The following SLC33A1 variants were observed in gnomAD, a reference collection of about 807,000 sequenced individuals.
SLC33A1 encodes the protein solute carrier family 33 member 1, also known as acetyl-coenzyme A transporter 1.
Under a neutral mutation model 50.0 loss-of-function variants are expected in SLC33A1, and 20 were observed. That is an observed-to-expected ratio of 0.40 (90% CI 0.28 to 0.58). SLC33A1 has a LOEUF of 0.58. Among genes scored for constraint, SLC33A1 ranks in the 20% least tolerant of loss-of-function variants. The pLI, the probability that SLC33A1 is intolerant of heterozygous loss-of-function variation, is 0.44. For missense variants in SLC33A1, 476 were observed against 657.0 expected (o/e 0.72, Z 3.01); for synonymous variants, 265 against 251.8 (o/e 1.05, Z -0.50).
Position 155,828,101 on chromosome 3 carries a change from A to C in SLC33A1, c.*109T>G. 1 of 770,266 alleles carries C rather than the reference A, an allele frequency of 1.3e-6. No homozygotes were observed. 47.7% of individuals were successfully genotyped at this position (770,266 alleles called of 1,614,324 possible). A position where few individuals can be genotyped will look rare whatever the true frequency, so the allele number is the denominator to read the frequency against. On this transcript the variant is annotated 3_prime_UTR_variant, in exon 6 of 6. Transcript: ENST00000643144. ...AACCATTTGGCATTTTATATTATTAATTTCGCTGTTTAAAATAATATTTTA... is the reference window on the plus strand; with the variant it reads ...AACCATTTGGCATTTTATATTATTACTTTCGCTGTTTAAAATAATATTTTA...
At chr3:155,846,454 CTTTTT>C (rs34163073) in intron 1 of SLC33A1, among the ~76,000 whole-genome samples, 1 of 138,442 alleles carries the variant, frequency 7.2e-6, no homozygotes, top group Non-Finnish European at 1.6e-5. Context: ...CCCACACTTC[CTTTTT>C]TTTTTTTTTT....
At chr3:155,833,197 C>T (rs1211958668) in intron 4 of SLC33A1, among the ~76,000 whole-genome samples, 1 of 151,730 alleles carries the variant, frequency 6.6e-6, no homozygotes, top group Non-Finnish European at 1.5e-5. Flanking sequence ...TGCAGTGAGC[C>T]GAGACTGCAC....
Position 155,829,825 on chromosome 3 carries a change from T to C in SLC33A1, c.1345A>G (p.Met449Val). The C allele has an allele frequency of 6.2e-7, 1 of 1,613,956 alleles. No individual in the cohort carries two copies. The highest frequency in any genetic ancestry group is 8.5e-7 in the Non-Finnish European group (1 of 1,179,822). The change falls in exon 5 of 6, where the codon ATG (methionine) becomes GTG (valine). Residue 449 changes from methionine (M) to valine (V), a missense_variant. By Grantham distance (21) the Met-to-Val change is conservative. Coordinates refer to ENST00000643144, the MANE Select transcript of SLC33A1 (RefSeq NM_004733.4). ...TTGGACACGGTATTTAAAAGGGTCA[T>C]GTATGTTCCTCCAATAAGTGGATCA... is the stretch of plus-strand genomic sequence containing the variant. The part of the protein sequence containing the change: ...VSDPLIGGTY[M>V]TLLNTVSNLG...
rs1240111424 is a variant in SLC33A1, at chr3:155,822,042, G to A, written c.*6168C>T. ...CCTGCCTAAGCCTCCCAAACTAATGGGACTACAGGTGTAAGCCAACACACC... is the reference window on the plus strand; with the variant it reads ...CCTGCCTAAGCCTCCCAAACTAATGAGACTACAGGTGTAAGCCAACACACC... On this transcript the variant is annotated 3_prime_UTR_variant, in exon 6 of 6. Coordinates refer to ENST00000643144, the MANE Select transcript of SLC33A1 (RefSeq NM_004733.4). 1.3e-5 allele frequency: 2 copies of A among 151,832 alleles called. No homozygotes were observed. The highest frequency in any genetic ancestry group is 4.8e-5 in the African/African-American group (2 of 41,330). The allele number at this position is 151,832 out of a possible 1,614,324, so 9.4% of individuals were successfully genotyped here.
intron 4 of SLC33A1, among the ~76,000 whole-genome samples, chr3:155,830,179 C>T (rs1327602966): frequency 6.1e-5 from 9 of 148,480 alleles, no homozygotes; most frequent in East Asian, 3.9e-4. Context: ...CTGGCTAACA[C>T]GGTGAAACCC....
chr3:155,831,763 C>G (rs553879588), intron 4 of SLC33A1, among the ~76,000 whole-genome samples: 35 of 151,682 alleles, frequency 2.3e-4, no homozygotes, highest in Non-Finnish European at 3.8e-4. Flanking sequence ...TAAGCATGTG[C>G]AAAACAGAAA....
At chr3:155,840,901 C>A (rs1457019942) in intron 2 of SLC33A1, among the ~76,000 whole-genome samples, 4 of 152,114 alleles carry the variant, frequency 2.6e-5, no homozygotes, top group African/African-American at 9.7e-5. Context: ...AGGAGAATCG[C>A]TTGAACCCAG....
In SLC33A1 at chr3:155,824,571, A is replaced by G. The variant is rs762364367; in HGVS notation, c.*3639T>C. On this transcript the variant is annotated 3_prime_UTR_variant, in exon 6 of 6. Coordinates refer to ENST00000643144, the MANE Select transcript of SLC33A1 (RefSeq NM_004733.4). ...AGTTTCAAGTTCAATACAGTATAACATATGCAGAGATTTTATAGTTTTTAT... is the reference window on the plus strand; with the variant it reads ...AGTTTCAAGTTCAATACAGTATAACGTATGCAGAGATTTTATAGTTTTTAT... 9 of 152,074 alleles carry G rather than the reference A, an allele frequency of 5.9e-5. No homozygotes were observed. Among genetic ancestry groups the G allele is most frequent in the Non-Finnish European group, 1.2e-4 (8 of 68,012 alleles). 9.4% of individuals were successfully genotyped at this position (152,074 alleles called of 1,614,324 possible).
rs1321372968 is a variant in SLC33A1, at chr3:155,842,362, A to G, written c.963+70T>C. The G allele has an allele frequency of 3.3e-6, 3 of 903,432 alleles. No homozygotes were observed. The South Asian group carries it at 4.4e-5, about 13-fold the overall frequency. The allele number at this position is 903,432 out of a possible 1,614,324, so 56.0% of individuals were successfully genotyped here. On this transcript the variant is annotated intron_variant, in intron 2 of 5. Transcript: ENST00000643144. Reference sequence around the variant, plus strand: ...TGGAAAGGGACCTGTGATATGAAAAAGGCATTGTAAGTATTCCATGATATT... The same window carrying G: ...TGGAAAGGGACCTGTGATATGAAAAGGGCATTGTAAGTATTCCATGATATT...
Position 155,829,136 on chromosome 3 carries a change from A to C in SLC33A1, c.1482+552T>G, listed in dbSNP as rs145656398. ...AGGCTGGTGTCAAACTCCTGAGCTC[A>C]GGCAATCCACCCGCCTTAGCCTCCC... On this transcript the variant is annotated intron_variant, in intron 5 of 5. Transcript: ENST00000643144. 4.6e-3 allele frequency among the ~76,000 whole-genome samples: 706 copies of C among 152,166 alleles called. 12 individuals are homozygous for C. The highest frequency in any genetic ancestry group is 0.016 in the African/African-American group (664 of 41,520).
intron 1 of SLC33A1, among the ~76,000 whole-genome samples, chr3:155,849,679 GAGC>G (rs1328450444): frequency 2.6e-5 from 4 of 151,656 alleles, no homozygotes; most frequent in Admixed American, 2.6e-4. Context: ...AAGCCGAGGT[GAGC>G]AGATCACTTG....
At chr3:155,852,947 T>C (rs1034202971) in intron 1 of SLC33A1, among the ~76,000 whole-genome samples, 5 of 152,162 alleles carry the variant, frequency 3.3e-5, no homozygotes, top group African/African-American at 1.2e-4. Context: ...AAGTGTGCAT[T>C]TGTGTATTAA....
At chr3:155,850,408 C>G (rs940062788) in intron 1 of SLC33A1, among the ~76,000 whole-genome samples, 2 of 152,066 alleles carry the variant, frequency 1.3e-5, no homozygotes, top group African/African-American at 4.8e-5. Context: ...GATGAGAAAG[C>G]CTCAGTGAAA....
intron 1 of SLC33A1, among the ~76,000 whole-genome samples, chr3:155,848,003 C>T (rs1293813127): frequency 6.6e-6 from 1 of 152,160 alleles, no homozygotes; most frequent in Non-Finnish European, 1.5e-5. Context: ...TACACTGCTC[C>T]CTATTCCAAT....
chr3:155,829,470 T>C (rs934679695), intron 5 of SLC33A1, among the ~76,000 whole-genome samples: 1 of 152,154 alleles, frequency 6.6e-6, no homozygotes, highest in Non-Finnish European at 1.5e-5. Context: ...AGATCGCCTC[T>C]CCTTTACTGA....
chr3:155,832,555 T>C (rs1290095336), intron 4 of SLC33A1, among the ~76,000 whole-genome samples: 1 of 150,510 alleles, frequency 6.6e-6, no homozygotes, highest in Non-Finnish European at 1.5e-5. Flanking sequence ...GGGCCGGGTA[T>C]GGTGGCTCAT....
rs757490105 is a variant in SLC33A1 at position 155,828,258 on chromosome 3, C to T, written c.1602G>A (p.Lys534=). ...ACGAAGATGATCCTTCATCCTGTAACTTTTTAAATTTTGGACCAAGAAAGA... is the reference window on the plus strand; with the variant it reads ...ACGAAGATGATCCTTCATCCTGTAATTTTTTAAATTTTGGACCAAGAAAGA... ...WWFFLGPKFK[K]LQDEGSSSWK... is the part of the protein sequence containing the mutation. Residue 534 remains lysine (K), a synonymous_variant, in exon 6 of 6, where the codon AAG becomes AAA. Transcript: ENST00000643144. 49 of 1,612,994 alleles carry T rather than the reference C, an allele frequency of 3.0e-5. No individual in the cohort carries two copies. Among genetic ancestry groups the T allele is most frequent in the East Asian group, 1.8e-4 (8 of 44,838 alleles).
Position 155,839,300 on chromosome 3 carries a change from C to CAAA in SLC33A1, c.963+3129_963+3131dup, listed in dbSNP as rs550171374. On this transcript the variant is annotated intron_variant, in intron 2 of 5. Coordinates refer to ENST00000643144, the MANE Select transcript of SLC33A1 (RefSeq NM_004733.4). Reference sequence around the variant, plus strand: ...CTGGGAAACAAGTGAAACTCCGCCTCAAAAAAAAAAAAAAAAAAAAAAAAA... The same window carrying CAAA: ...CTGGGAAACAAGTGAAACTCCGCCTCAAAAAAAAAAAAAAAAAAAAAAAAAAAA... Among the ~76,000 whole-genome samples, 152 of 25,716 alleles carry CAAA rather than the reference C, an allele frequency of 5.9e-3. 6 individuals are homozygous for CAAA. The highest frequency in any genetic ancestry group is 0.015 in the Non-Finnish European group (91 of 6,080). 16.9% of individuals were successfully genotyped at this position (25,716 alleles called of 152,430 possible). A position where few individuals can be genotyped will look rare whatever the true frequency, so the allele number is the denominator to read the frequency against.
intron 2 of SLC33A1, among the ~76,000 whole-genome samples, chr3:155,837,471 A>C (rs1025435509): frequency 2.0e-5 from 3 of 152,208 alleles, no homozygotes; most frequent in Non-Finnish European, 4.4e-5. Context: ...CCACTTTGGA[A>C]AACTATTTGG....
Sources: gnomAD v4.1 joint callset for allele counts (sites outside exome capture counted in the v4.1 genomes callset) on GRCh38, gnomAD v4.1.1 for gene constraint, MANE v1.5 for transcripts, NCBI Gene and HGNC (gene_info 2026-07-23, HGNC 2026-07-21) for gene names.